HNF4A: variants seen among roughly 807,000 people sequenced by gnomAD.
HNF4A encodes the protein hepatocyte nuclear factor 4 alpha.
Under a neutral mutation model 52.4 loss-of-function variants are expected in HNF4A, and 15 were observed. That is an observed-to-expected ratio of 0.29 (90% CI 0.19 to 0.44). HNF4A has a LOEUF of 0.44. Ranked by LOEUF, HNF4A falls within the 20% of genes least tolerant of loss-of-function variation. The probability of loss-of-function intolerance (pLI) is 1.00; values close to 1 mark genes in which losing one functional copy is unlikely to be tolerated. For missense variants in HNF4A, 479 were observed against 647.2 expected, an observed-to-expected ratio of 0.74 and a Z score of 2.82; for synonymous variants, 280 against 264.4, an observed-to-expected ratio of 1.06 and a Z score of -0.57.
chr20:44,392,697 A>T (rs2063315308), intron 1 of HNF4A, among the ~76,000 whole-genome samples: 1 of 152,148 alleles, frequency 6.6e-6, no homozygotes, highest in Non-Finnish European at 1.5e-5. Context: ...TTCAGAGATG[A>T]GTCTCTGCTT....
chr20:44,411,932 C>G (rs2063590113), intron 3 of HNF4A, among the ~76,000 whole-genome samples: 1 of 151,828 alleles, frequency 6.6e-6, no homozygotes, highest in South Asian at 2.1e-4. Context: ...TGGCACACGC[C>G]TATAATCCCA....
rs199960698 is a variant in HNF4A at position 44,430,602 on chromosome 20, A to C, written c.*937A>C. On this transcript the variant is annotated 3_prime_UTR_variant, in exon 10 of 10. Transcript: ENST00000316099. ...AGTAAGAATCTAGCAAGAATTGAGG[A>C]AGAATGGTGTGGGAGAGGGATGATG... 1.9e-5 allele frequency: 2 copies of C among 104,106 alleles called. No homozygotes were observed. Among genetic ancestry groups the C allele is most frequent in the African/African-American group, 6.9e-5 (2 of 29,118 alleles). The allele number at this position is 104,106 out of a possible 1,614,324, so 6.4% of individuals were successfully genotyped here.
At chr20:44,425,656 CTT>C (rs10657596) in intron 8 of HNF4A, among the ~76,000 whole-genome samples, 5 of 129,444 alleles carry the variant, frequency 3.9e-5, no homozygotes, top group Admixed American at 1.7e-4. Flanking sequence ...TTCTTTTTTC[CTT>C]TTTTTTTTTT....
chr20:44,407,831 A>G (rs2063524917), intron 3 of HNF4A, among the ~76,000 whole-genome samples: 1 of 151,380 alleles, frequency 6.6e-6, no homozygotes, highest in Non-Finnish European at 1.5e-5. Flanking sequence ...AGCATAGAGA[A>G]TGATATTGCA....
At chr20:44,397,668 C>A (rs1041361123), upstream of HNF4A, among the ~76,000 whole-genome samples, 1 of 151,852 alleles carries the variant, frequency 6.6e-6, no homozygotes, top group Non-Finnish European at 1.5e-5. Context: ...CTCTGTCACC[C>A]AGGTGCAGTG....
chr20:44,364,460 C>A (rs974896655), intron 1 of HNF4A, among the ~76,000 whole-genome samples: 1 of 150,046 alleles, frequency 6.7e-6, no homozygotes, highest in Non-Finnish European at 1.5e-5. Flanking sequence ...AGGAATAGGT[C>A]ATGCAATTTT....
upstream of HNF4A, among the ~76,000 whole-genome samples, chr20:44,397,063 G>C (rs2063359693): frequency 6.6e-6 from 1 of 152,154 alleles, no homozygotes. Context: ...CCCTGGGCTT[G>C]GAATATAAAT....
At chr20:44,365,072 AG>A (rs1318136853) in intron 1 of HNF4A, among the ~76,000 whole-genome samples, 2 of 152,232 alleles carry the variant, frequency 1.3e-5, no homozygotes, top group African/African-American at 4.8e-5. Context: ...TCTGTGCAGT[AG>A]GGTCATGCTC....
At position 44,431,921 on chromosome 20, in the gene HNF4A, C is replaced by G. The variant is rs537829031; in HGVS notation, c.*2256C>G. 3.9e-4 allele frequency: 60 copies of G among 152,438 alleles called. 2 individuals carry two copies. The East Asian group carries it at 7.7e-3, about 20-fold the overall frequency. 9.4% of individuals were successfully genotyped at this position (152,438 alleles called of 1,614,324 possible). A position where few individuals can be genotyped will look rare whatever the true frequency, so the allele number is the denominator to read the frequency against. On this transcript the variant is annotated 3_prime_UTR_variant, in exon 10 of 10. Transcript: ENST00000316099. ...CGGCAGTCCCAGCCAAGCCCCCAAT[C>G]CCAGCGGAGACTGTGCCCTGCTCAG...
At chr20:44,412,057 GA>G (rs11426408) in intron 3 of HNF4A, among the ~76,000 whole-genome samples, 9 of 145,048 alleles carry the variant, frequency 6.2e-5, no homozygotes, top group East Asian at 4.0e-4. Context: ...ACCCCATCTC[GA>G]AAAAAAAAAA....
chr20:44,370,789 A>G (rs2063025585), intron 1 of HNF4A, among the ~76,000 whole-genome samples: 2 of 152,130 alleles, frequency 1.3e-5, no homozygotes, highest in African/African-American at 2.4e-5. Context: ...TGGAGGGAGG[A>G]AACGGCAGCC....
At chr20:44,369,723 G>A (rs147429180) in intron 1 of HNF4A, among the ~76,000 whole-genome samples, 153 of 152,182 alleles carry the variant, frequency 1.0e-3, no homozygotes, top group African/African-American at 3.6e-3. Flanking sequence ...CTAGAGTGCA[G>A]TGGCATGATC....
At chr20:44,402,450 G>A (rs1013828863) in intron 1 of HNF4A, 3 of 622,186 alleles carry the variant, frequency 4.8e-6, no homozygotes, top group African/African-American at 1.9e-5. Flanking sequence ...GGGGGTCAGC[G>A]GTCTCTGGTG....
intron 1 of HNF4A, among the ~76,000 whole-genome samples, chr20:44,403,761 A>T (rs926618383): frequency 6.6e-6 from 1 of 152,142 alleles, no homozygotes. Flanking sequence ...CAGTGCGATG[A>T]CACCAGGAAG....
chr20:44,397,121 C>T (rs996074480), upstream of HNF4A, among the ~76,000 whole-genome samples: 1 of 152,108 alleles, frequency 6.6e-6, no homozygotes, highest in African/African-American at 2.4e-5. Context: ...AGGCTAACAC[C>T]CACTCAGTCC....
At chr20:44,397,459 C>A (rs1472165440), upstream of HNF4A, among the ~76,000 whole-genome samples, 1 of 152,136 alleles carries the variant, frequency 6.6e-6, no homozygotes, top group Non-Finnish European at 1.5e-5. Flanking sequence ...TTTATCATTT[C>A]TTTGTGTTGG....
At chr20:44,424,278 CG>C in intron 8 of HNF4A, 24 bp downstream of exon 8, 1 of 1,612,464 alleles carries the variant, frequency 6.2e-7, no homozygotes, top group Non-Finnish European at 8.5e-7. Context: ...CCAGGAGGGG[CG>C]GGGTTGGAGT....
chr20:44,360,911 G>T (rs893634685), intron 1 of HNF4A, among the ~76,000 whole-genome samples: 2 of 152,160 alleles, frequency 1.3e-5, no homozygotes, highest in Non-Finnish European at 2.9e-5. Flanking sequence ...TTGTTGTGAA[G>T]ATTCCATGAG....
Position 44,431,033 on chromosome 20 carries a change from C to T in HNF4A, c.*1368C>T, listed in dbSNP as rs765577569. On this transcript the variant is annotated 3_prime_UTR_variant, in exon 10 of 10. Transcript: ENST00000316099. The stretch of plus-strand genomic sequence containing the variant: ...CCTCCCTCCCCGCCCTCACCCGCCC[C>T]ACTCCCTCCTAACCTAGAGATTGTT... 3.3e-5 allele frequency: 5 copies of T among 152,066 alleles called. No homozygotes were observed. Among genetic ancestry groups the T allele is most frequent in the South Asian group, 4.1e-4 (2 of 4,820 alleles). 9.4% of individuals were successfully genotyped at this position (152,066 alleles called of 1,614,324 possible). A position where few individuals can be genotyped will look rare whatever the true frequency, so the allele number is the denominator to read the frequency against.
Sources: gnomAD v4.1 joint callset for allele counts (sites outside exome capture counted in the v4.1 genomes callset) on GRCh38, gnomAD v4.1.1 for gene constraint, MANE v1.5 for transcripts, NCBI Gene and HGNC (gene_info 2026-07-23, HGNC 2026-07-21) for gene names.